The following NLRC4 variants were observed in gnomAD, a reference collection of about 807,000 sequenced individuals.
NLRC4 encodes NLR family CARD domain-containing protein 4.
In NLRC4, 63 loss-of-function variants were observed where a neutral mutation model predicts 79.9. That is an observed-to-expected ratio of 0.79 (90% CI 0.64 to 0.97). The LOEUF is 0.97. NLRC4 is among the 50% of genes least tolerant of loss of function. The pLI is 0.00. For synonymous variants in NLRC4, 461 were observed against 456.5 expected (o/e 1.01, Z -0.12); for missense variants, 1,074 against 1,215.2 (o/e 0.88, Z 1.73).
chr2:32,226,202 A>G (rs150469919), intron 8 of NLRC4, among the ~76,000 whole-genome samples: 1 of 152,312 alleles, frequency 6.6e-6, no homozygotes, highest in East Asian at 1.9e-4. Flanking sequence ...ATGCACTGAA[A>G]CTATACCCTT....
At chr2:32,248,322 G>A (rs1020514512) in intron 4 of NLRC4, among the ~76,000 whole-genome samples, 1 of 152,108 alleles carries the variant, frequency 6.6e-6, no homozygotes, top group Non-Finnish European at 1.5e-5. Flanking sequence ...TCAGTTCCTG[G>A]CCATGACAGG....
intron 4 of NLRC4, among the ~76,000 whole-genome samples, chr2:32,241,363 A>G (rs1163390897): frequency 6.7e-6 from 1 of 148,188 alleles, no homozygotes; most frequent in Admixed American, 7.0e-5. Flanking sequence ...CAGGGAAAAA[A>G]ATTTCCTTTT....
intron 1 of NLRC4, among the ~76,000 whole-genome samples, chr2:32,258,387 G>A (rs1687259502): frequency 6.6e-6 from 1 of 152,218 alleles, no homozygotes; most frequent in Admixed American, 6.5e-5. Flanking sequence ...GGTGTGGCAG[G>A]CCAGGGTGGC....
intron 4 of NLRC4, among the ~76,000 whole-genome samples, chr2:32,249,101 C>T (rs2148941218): frequency 6.6e-6 from 1 of 152,324 alleles, no homozygotes; most frequent in African/African-American, 2.4e-5. Flanking sequence ...AATTGTAATA[C>T]ATTTAAATCA....
chr2:32,238,355 G>A (rs1234124658), intron 5 of NLRC4, 53 bp from the exon 6 acceptor site: 26 of 1,446,174 alleles, frequency 1.8e-5, no homozygotes, highest in African/African-American at 7.1e-5. Flanking sequence ...TTCGATTTAA[G>A]CATAGATTAA....
At chr2:32,259,322 G>A (rs1462187444) in intron 1 of NLRC4, among the ~76,000 whole-genome samples, 1 of 128,934 alleles carries the variant, frequency 7.8e-6, no homozygotes, top group African/African-American at 3.0e-5. Flanking sequence ...TGCCCAGGCT[G>A]GTCTCAAACT....
intron 4 of NLRC4, among the ~76,000 whole-genome samples, chr2:32,248,164 CA>C (rs1303773382): frequency 2.6e-5 from 4 of 152,032 alleles, no homozygotes; most frequent in Non-Finnish European, 5.9e-5. Flanking sequence ...AATAATAAAG[CA>C]AAACTATATA....
chr2:32,224,700 T>C lies in NLRC4; in HGVS notation c.2848A>G (p.Ser950Gly). Residue 950 changes from serine to glycine, a missense_variant, in exon 9 of 9, where the codon AGC becomes GGC. Transcript: ENST00000402280. ...ATGAAGGCAAGCCATCCATCACTGC[T>C]CACACGATTTCCCGCCAAATTCAAC... Reference protein sequence around the residue: ...QQLNLAGNRVSSDGWLAFMGV... With the variant: ...QQLNLAGNRVGSDGWLAFMGV... 1 of 1,606,616 alleles carries C rather than the reference T, an allele frequency of 6.2e-7. No individual in the cohort carries two copies. The highest frequency in any genetic ancestry group is 8.5e-7 in the Non-Finnish European group (1 of 1,177,520).
At chr2:32,242,958 G>A (rs143209938) in intron 4 of NLRC4, among the ~76,000 whole-genome samples, 11 of 152,230 alleles carry the variant, frequency 7.2e-5, no homozygotes, top group South Asian at 2.1e-4. Flanking sequence ...TGAGGCAAGA[G>A]AATCGCTTGA....
At chr2:32,262,967 C>T (rs918614849) in intron 1 of NLRC4, among the ~76,000 whole-genome samples, 8 of 151,494 alleles carry the variant, frequency 5.3e-5, no homozygotes, top group Admixed American at 4.0e-4. Context: ...CTGCCTGCCT[C>T]GGCCTCCCAA....
At chr2:32,238,765 T>C (rs1452914435) in intron 5 of NLRC4, among the ~76,000 whole-genome samples, 1 of 152,144 alleles carries the variant, frequency 6.6e-6, no homozygotes, top group South Asian at 2.1e-4. Context: ...ACTCATGATA[T>C]GGGGCCTGCC....
At position 32,224,667 on chromosome 2, in the gene NLRC4, A is replaced by G; in HGVS notation, c.2881T>C (p.Phe961Leu). The stretch of plus-strand genomic sequence containing the variant: ...AACACTAATTGCTTAAGATTCTCAA[A>G]TACACCCATGAAGGCAAGCCATCCA... ...SDGWLAFMGV[F>L]ENLKQLVFFD... Residue 961 changes from phenylalanine (F) to leucine (L), a missense_variant, in exon 9 of 9, where the codon TTT becomes CTT. Coordinates refer to ENST00000402280, the MANE Select transcript of NLRC4 (RefSeq NM_001199138.2). 6.2e-7 allele frequency: 1 copy of G among 1,613,276 alleles called. No individual in the cohort carries two copies. Among genetic ancestry groups the G allele is most frequent in the Non-Finnish European group, 8.5e-7 (1 of 1,179,316 alleles).
At chr2:32,263,172 A>G (rs571037170) in intron 1 of NLRC4, among the ~76,000 whole-genome samples, 1 of 152,232 alleles carries the variant, frequency 6.6e-6, no homozygotes, top group Admixed American at 6.5e-5. Flanking sequence ...GAGTACATAT[A>G]ATTAGGAGCA....
chr2:32,254,682 G>A (rs1041191617), intron 2 of NLRC4, among the ~76,000 whole-genome samples: 4 of 144,022 alleles, frequency 2.8e-5, no homozygotes, highest in African/African-American at 5.2e-5. Context: ...GCAATGGCGC[G>A]ATCTCAGCTC....
chr2:32,238,145 T>C lies in NLRC4; in HGVS notation c.2508A>G (p.Ala836=), dbSNP rs1686713556. 6.2e-7 allele frequency: 1 copy of C among 1,613,208 alleles called. No individual in the cohort carries two copies. The highest frequency in any genetic ancestry group is 1.1e-5 in the South Asian group (1 of 90,866). ...QLVSCCLSAN[A]VKILAQNLHN... The stretch of plus-strand genomic sequence containing the variant: ...AGCAACAGTTACCTAGGATTTTCAC[T>C]GCATTTGCAGACAAGCAGCAGGAGA... The change falls in exon 6 of 9, where the codon GCA becomes GCG. Residue 836 remains alanine, a synonymous_variant. Transcript: ENST00000402280.
Position 32,250,730 on chromosome 2 carries a change from A to C in NLRC4, c.1134T>G (p.His378Gln), listed in dbSNP as rs779291946. 6.8e-6 allele frequency: 11 copies of C among 1,614,020 alleles called. No homozygotes were observed. Among genetic ancestry groups the C allele is most frequent in the Middle Eastern group, 1.6e-4 (1 of 6,062 alleles). Residue 378 changes from histidine to glutamine, a missense_variant, in exon 4 of 9, where the codon CAT (histidine) becomes CAG (glutamine). His to Gln is a conservative substitution (Grantham distance 24, BLOSUM62 0). Transcript: ENST00000402280. The surrounding 1 kb of genome is among the most constrained non-coding windows in gnomAD (Gnocchi z 4.9). ...DLLIQKNKHK[H>Q]KGVAASDFIR... is the part of the protein sequence containing the mutation. ...TGAAGTCACTTGCAGCCACACCTTT[A>C]TGTTTGTGTTTGTTTTTCTGTATCA...
intron 4 of NLRC4, among the ~76,000 whole-genome samples, chr2:32,241,902 T>C (rs1404476256): frequency 1.3e-5 from 2 of 152,168 alleles, no homozygotes; most frequent in Non-Finnish European, 1.5e-5. Context: ...TGCATACTTA[T>C]ATTAGAAATG....
intron 1 of NLRC4, among the ~76,000 whole-genome samples, chr2:32,262,938 T>TTA (rs548484298): frequency 1.9e-3 from 291 of 150,514 alleles, no homozygotes; most frequent in African/African-American, 4.8e-3. Context: ...ATAATATATA[T>TTA]TATATATATA....
chr2:32,224,840 A>C (rs1187374336), intron 8 of NLRC4, 75 bp from the exon 9 acceptor site: 11 of 865,776 alleles, frequency 1.3e-5, no homozygotes, highest in Non-Finnish European at 1.9e-5. Flanking sequence ...TTCTACATTT[A>C]TTTTACATAC....
Sources: allele counts gnomAD v4.1 joint callset (sites outside exome capture counted in the v4.1 genomes callset), GRCh38; gene constraint gnomAD v4.1.1; non-coding constraint Gnocchi (gnomAD v3.1); transcripts MANE v1.5; gene names NCBI Gene and HGNC (gene_info 2026-07-23, HGNC 2026-07-21).